Variants in SLC24A2 observed in about 807,000 individuals in gnomAD.
The protein encoded by SLC24A2 is solute carrier family 24 member 2.
A neutral mutation model predicts 62.0 loss-of-function variants in SLC24A2; 36 were observed. The ratio of observed to expected loss-of-function variants is 0.58; its 90% CI spans 0.44 to 0.77. The LOEUF (loss-of-function observed/expected upper bound fraction) is 0.77. Ranked by LOEUF, SLC24A2 falls within the 30% of genes least tolerant of loss-of-function variation. SLC24A2 has a pLI of 0.00. For synonymous variants in SLC24A2, 358 were observed against 294.0 expected (o/e 1.22, Z -2.23); for missense variants, 846 against 817.9 (o/e 1.03, Z -0.42).
the SLC24A2 span, among the ~76,000 whole-genome samples, chr9:20,157,781 T>C: frequency 3.0e-4 from 46 of 151,380 alleles, no homozygotes; most frequent in East Asian, 8.0e-3. Flanking sequence ...ATTAGAGAAA[T>C]AAAATATACT....
chr9:19,675,916 G>C (rs1819547954), intron 2 of SLC24A2, among the ~76,000 whole-genome samples: 1 of 152,158 alleles, frequency 6.6e-6, no homozygotes, highest in Non-Finnish European at 1.5e-5. Context: ...AGTTCAGCTG[G>C]AAGTTTCCTT....
intron 7 of SLC24A2, among the ~76,000 whole-genome samples, chr9:19,562,294 A>G (rs1835443580): frequency 6.6e-6 from 1 of 152,228 alleles, no homozygotes; most frequent in Non-Finnish European, 1.5e-5. Context: ...TAAAATTATT[A>G]GAAATACTAA....
chr9:20,006,250 T>C, the SLC24A2 span, among the ~76,000 whole-genome samples: 2 of 151,976 alleles, frequency 1.3e-5, no homozygotes, highest in African/African-American at 4.8e-5. Context: ...TATTTCCATA[T>C]TCATGTTATT....
At chr9:20,270,995 G>C in the SLC24A2 span, among the ~76,000 whole-genome samples, 1 of 151,952 alleles carries the variant, frequency 6.6e-6, no homozygotes, top group Non-Finnish European at 1.5e-5. Context: ...TTTCTTCTCT[G>C]TTCCCCAGGT....
At chr9:20,027,730 T>C in the SLC24A2 span, among the ~76,000 whole-genome samples, 1 of 152,170 alleles carries the variant, frequency 6.6e-6, no homozygotes, top group Non-Finnish European at 1.5e-5. Context: ...TTTTAAGATC[T>C]ATTTCATAGC....
At chr9:19,706,379 C>CTTTTTTTTTTTTTTTTTTT in intron 2 of SLC24A2, among the ~76,000 whole-genome samples, 1 of 131,934 alleles carries the variant, frequency 7.6e-6, no homozygotes, top group Non-Finnish European at 1.6e-5. Context: ...GGTCTTGAAT[C>CTTTTTTTTTTTTTTTTTTT]TTTTTTTTTT....
At chr9:20,052,967 C>T in the SLC24A2 span, among the ~76,000 whole-genome samples, 1 of 152,140 alleles carries the variant, frequency 6.6e-6, no homozygotes, top group African/African-American at 2.4e-5. Flanking sequence ...GAATCAGAAA[C>T]ATATGGATTT....
chr9:19,557,189 A>G (rs921153226), intron 7 of SLC24A2, among the ~76,000 whole-genome samples: 1 of 152,178 alleles, frequency 6.6e-6, no homozygotes, highest in African/African-American at 2.4e-5. Context: ...CTAAAAATAG[A>G]TATGAATGGG....
chr9:20,303,283 C>T, the SLC24A2 span, among the ~76,000 whole-genome samples: 3 of 152,156 alleles, frequency 2.0e-5, no homozygotes, highest in East Asian at 5.8e-4. Context: ...TCCCTCCTCC[C>T]ACCTGAGTGA....
the SLC24A2 span, among the ~76,000 whole-genome samples, chr9:20,203,111 C>G: frequency 1.3e-4 from 16 of 123,752 alleles, 1 homozygote; most frequent in Admixed American, 1.4e-3. Flanking sequence ...TGGAGAACCA[C>G]TGACTAAAAG....
At chr9:19,933,047 T>C in the SLC24A2 span, among the ~76,000 whole-genome samples, 2 of 151,930 alleles carry the variant, frequency 1.3e-5, no homozygotes, top group Non-Finnish European at 2.9e-5. Context: ...GGGCAGGAGG[T>C]GGGGGCTGCG....
At chr9:20,214,048 T>C in the SLC24A2 span, among the ~76,000 whole-genome samples, 1 of 152,238 alleles carries the variant, frequency 6.6e-6, no homozygotes, top group African/African-American at 2.4e-5. Context: ...ATTTTCTTTT[T>C]TAAGAGTTAA....
At chr9:19,747,423 A>G (rs956730414) in intron 2 of SLC24A2, among the ~76,000 whole-genome samples, 28 of 152,196 alleles carry the variant, frequency 1.8e-4, no homozygotes, top group Non-Finnish European at 1.9e-4. Context: ...GCAAGTCCTT[A>G]TACATATACT....
At chr9:19,994,691 T>C in the SLC24A2 span, among the ~76,000 whole-genome samples, 1 of 152,176 alleles carries the variant, frequency 6.6e-6, no homozygotes, top group East Asian at 1.9e-4. Flanking sequence ...CCTCTGCATA[T>C]GTGAGGATCG....
the SLC24A2 span, among the ~76,000 whole-genome samples, chr9:19,944,042 T>C: frequency 6.6e-6 from 1 of 152,164 alleles, no homozygotes; most frequent in African/African-American, 2.4e-5. Context: ...TTCTCACTTA[T>C]AAGTGGAAGC....
intron 5 of SLC24A2, among the ~76,000 whole-genome samples, chr9:19,595,952 G>T (rs1206370656): frequency 6.6e-6 from 1 of 152,190 alleles, no homozygotes; most frequent in African/African-American, 2.4e-5. Context: ...TACATGTAGG[G>T]TTCTGTCATT....
At chr9:20,064,280 G>C in the SLC24A2 span, among the ~76,000 whole-genome samples, 4 of 152,178 alleles carry the variant, frequency 2.6e-5, no homozygotes, top group African/African-American at 9.7e-5. Context: ...TATTTATAAA[G>C]ACAGAGAGTA....
the SLC24A2 span, among the ~76,000 whole-genome samples, chr9:20,013,797 C>G: frequency 6.6e-6 from 1 of 152,028 alleles, no homozygotes; most frequent in African/African-American, 2.4e-5. Context: ...CAAAAGAAAA[C>G]ATTCAAATGG....
chr9:19,878,115 C>T, the SLC24A2 span, among the ~76,000 whole-genome samples: 1 of 152,152 alleles, frequency 6.6e-6, no homozygotes, highest in African/African-American at 2.4e-5. Flanking sequence ...GACAACAACA[C>T]CTACTGCTCT....
Sources: allele counts gnomAD v4.1 joint callset (sites outside exome capture counted in the v4.1 genomes callset), GRCh38; gene constraint gnomAD v4.1.1; transcripts MANE v1.5; gene names NCBI Gene and HGNC (gene_info 2026-07-23, HGNC 2026-07-21).